ZNF841: variants seen among roughly 807,000 people sequenced by gnomAD.
The protein encoded by ZNF841 is TCONS_00006091.
A neutral mutation model predicts 13.0 loss-of-function variants in ZNF841; 11 were observed. The observed-to-expected ratio is 0.85, with a 90% CI of 0.53 to 1.40. ZNF841 has a LOEUF of 1.40. ZNF841 is among the 40% of genes most tolerant of loss of function. The pLI is 0.00. For synonymous variants in ZNF841, 369 were observed against 381.6 expected, an observed-to-expected ratio of 0.97 and a Z score of 0.38; for missense variants, 1,068 against 1,139.5, an observed-to-expected ratio of 0.94 and a Z score of 0.90.
In ZNF841 at chr19:52,064,916, G is replaced by C. The variant is rs543803725; in HGVS notation, c.*191C>G. On this transcript the variant is annotated 3_prime_UTR_variant, in exon 7 of 7. Transcript: ENST00000594440. ...CCCAAAGTGCTGGGATTACAGGCAT[G>C]AGCCAGACCTCATGAGAACTATCAC... 1.7e-3 allele frequency: 756 copies of C among 433,818 alleles called. 4 individuals are homozygous for C. The highest frequency in any genetic ancestry group is 0.016 in the South Asian group (243 of 15,208). 26.9% of individuals were successfully genotyped at this position (433,818 alleles called of 1,614,324 possible). A position where few individuals can be genotyped will look rare whatever the true frequency, so the allele number is the denominator to read the frequency against.
At chr19:52,090,654 G>GGAAGGAAGGAAGGAAAGAAA (rs1183196348) in intron 2 of ZNF841, among the ~76,000 whole-genome samples, 79 of 84,620 alleles carry the variant, frequency 9.3e-4, no homozygotes, top group African/African-American at 4.2e-3. Flanking sequence ...AAGGAAGGAA[G>GGAAGGAAGGAAGGAAAGAAA]GAAAGAAAGA....
intron 3 of ZNF841, among the ~76,000 whole-genome samples, chr19:52,087,795 G>C (rs966619465): frequency 1.3e-5 from 2 of 151,946 alleles, no homozygotes; most frequent in Non-Finnish European, 2.9e-5. Flanking sequence ...AGACCAGCCT[G>C]GCCAACGTGG....
downstream of ZNF841, among the ~76,000 whole-genome samples, chr19:52,062,683 T>C (rs1389635689): frequency 3.3e-5 from 5 of 152,114 alleles, no homozygotes; most frequent in Admixed American, 2.6e-4. Context: ...TGAATACAAT[T>C]ATTTTATATA....
chr19:52,067,271 A>G lies in ZNF841; in HGVS notation c.611T>C (p.Ile204Thr), dbSNP rs2087608250. 1 of 1,551,408 alleles carries G rather than the reference A, an allele frequency of 6.4e-7. No individual in the cohort carries two copies. The change falls in exon 7 of 7, where the codon ATT becomes ACT. Residue 204 changes from isoleucine (I) to threonine (T), a missense_variant. By Grantham distance (89) the Ile-to-Thr change is moderately conservative (BLOSUM62 -1). Transcript: ENST00000594440. ...ELQKFQTAEK[I>T]YGCNQIERTV... is the part of the protein sequence containing the mutation. ...CCTCTCAATTTGATTACATCCATAA[A>G]TTTTCTCTGCAGTTTGAAATTTCTG...
chr19:52,074,813 C>T (rs368640171), intron 6 of ZNF841, among the ~76,000 whole-genome samples: 1 of 152,142 alleles, frequency 6.6e-6, no homozygotes, highest in Non-Finnish European at 1.5e-5. Flanking sequence ...CCACCGTGCC[C>T]GGCATGGGAG....
At chr19:52,070,115 T>G (rs1459749476) in intron 6 of ZNF841, among the ~76,000 whole-genome samples, 1 of 152,204 alleles carries the variant, frequency 6.6e-6, no homozygotes, top group Non-Finnish European at 1.5e-5. Context: ...GAACCTGGGT[T>G]TGCAAGATCA....
intron 5 of ZNF841, 141 bp downstream of exon 5, chr19:52,076,817 A>G: frequency 2.0e-6 from 2 of 988,060 alleles, no homozygotes; most frequent in Non-Finnish European, 2.9e-6. Context: ...GGCCAGATGC[A>G]GCATTATGAA....
chr19:52,067,380 C>A lies in ZNF841; in HGVS notation c.502G>T (p.Val168Phe). ...TCTACGTCCCCTTGACTATGTCGAA[C>A]TCTTTGACCAGTAAGATTGTTTTTA... The part of the protein sequence containing the change: ...THKNNLTGQR[V>F]RHSQGDVENK... Residue 168 changes from valine (V) to phenylalanine (F), a missense_variant, in exon 7 of 7, where the codon GTT (valine) becomes TTT (phenylalanine). By Grantham distance (50) the Val-to-Phe change is conservative. Transcript: ENST00000594440. The A allele has an allele frequency of 1.3e-6, 2 of 1,547,058 alleles. No homozygotes were observed. The highest frequency in any genetic ancestry group is 3.4e-4 in the Middle Eastern group (2 of 5,964).
At position 52,066,751 on chromosome 19, in the gene ZNF841, TCGA is replaced by T. The variant is rs755510051; in HGVS notation, c.1128_1130del (p.Asn376_Arg377delinsLys). 4 of 1,612,596 alleles carry T rather than the reference TCGA, an allele frequency of 2.5e-6. No homozygotes were observed. The highest frequency in any genetic ancestry group is 3.4e-6 in the Non-Finnish European group (4 of 1,179,166). ...AACTTTGACTAAAGCACTTCCCACATCGATTACATTTGTAAGGTTTCTCTCCAG... is the reference window on the plus strand; with the variant it reads ...AACTTTGACTAAAGCACTTCCCACATTTACATTTGTAAGGTTTCTCTCCAG... On this transcript the variant is annotated inframe_deletion, in exon 7 of 7. Transcript: ENST00000594440.
At chr19:52,088,661 C>T (rs1265228945) in intron 3 of ZNF841, among the ~76,000 whole-genome samples, 2 of 152,154 alleles carry the variant, frequency 1.3e-5, no homozygotes, top group African/African-American at 4.8e-5. Context: ...TAGCCACCTC[C>T]CATTGCTATT....
At chr19:52,075,156 T>C (rs1210167631) in intron 6 of ZNF841, among the ~76,000 whole-genome samples, 1 of 152,030 alleles carries the variant, frequency 6.6e-6, no homozygotes, top group Non-Finnish European at 1.5e-5. Flanking sequence ...AAGCATAAAA[T>C]GTCCGACCCT....
chr19:52,084,775 T>C lies in ZNF841; in HGVS notation c.15+12A>G. 6.2e-7 allele frequency: 1 copy of C among 1,613,632 alleles called. No homozygotes were observed. The highest frequency in any genetic ancestry group is 8.5e-7 in the Non-Finnish European group (1 of 1,179,790). On this transcript the variant is annotated intron_variant, in intron 4 of 6. Coordinates refer to ENST00000594440, the MANE Select transcript of ZNF841 (RefSeq NM_001136499.2). ...GAGGAGACAGAACAATCCACCAAGATTATCACTTTACCTGAGGAAGAGCCA... is the reference window on the plus strand; with the variant it reads ...GAGGAGACAGAACAATCCACCAAGACTATCACTTTACCTGAGGAAGAGCCA...
chr19:52,091,449 T>C (rs1158793998), intron 2 of ZNF841, among the ~76,000 whole-genome samples: 1 of 152,140 alleles, frequency 6.6e-6, no homozygotes, highest in African/African-American at 2.4e-5. Context: ...AACTATATTA[T>C]AAAGGTACAG....
Position 52,065,183 on chromosome 19 carries a change from G to A in ZNF841, c.2699C>T (p.Ala900Val), listed in dbSNP as rs909851440. The A allele has an allele frequency of 6.2e-7, 1 of 1,602,198 alleles. No homozygotes were observed. ...GAGTTTAGTTGTAAGGTTCTCTCCA[G>A]CATGTTTTATCTGATGTTTAGTGAG... is the stretch of plus-strand genomic sequence containing the variant. ...SGLTKHQIKHAGENLTTKLNV... is the reference protein window; with the variant it reads ...SGLTKHQIKHVGENLTTKLNV... Residue 900 changes from alanine to valine, a missense_variant, in exon 7 of 7, where the codon GCT becomes GTT. Coordinates refer to ENST00000594440, the MANE Select transcript of ZNF841 (RefSeq NM_001136499.2).
chr19:52,092,461 A>T (rs1045902806), intron 2 of ZNF841, among the ~76,000 whole-genome samples: 3 of 152,212 alleles, frequency 2.0e-5, no homozygotes, highest in Non-Finnish European at 4.4e-5. Context: ...CATACCTCTT[A>T]CGAAGGCTAT....
At chr19:52,068,493 G>A (rs931123663) in intron 6 of ZNF841, among the ~76,000 whole-genome samples, 1 of 152,018 alleles carries the variant, frequency 6.6e-6, no homozygotes, top group African/African-American at 2.4e-5. Context: ...TGGCCAACAT[G>A]GTGAAATCTC....
chr19:52,072,421 G>A (rs543022632), intron 6 of ZNF841, among the ~76,000 whole-genome samples: 9 of 151,912 alleles, frequency 5.9e-5, no homozygotes, highest in South Asian at 2.1e-4. Flanking sequence ...AAGAAATATC[G>A]GAAAAGAAAA....
intron 4 of ZNF841, among the ~76,000 whole-genome samples, chr19:52,079,763 G>A (rs1044898815): frequency 4.6e-5 from 7 of 152,022 alleles, no homozygotes; most frequent in Non-Finnish European, 5.9e-5. Context: ...AGGCCAAGGC[G>A]GGAGGATCAC....
downstream of ZNF841, among the ~76,000 whole-genome samples, chr19:52,060,744 T>A (rs2087383607): frequency 6.6e-6 from 1 of 152,058 alleles, no homozygotes; most frequent in South Asian, 2.1e-4. Context: ...TGTGATGCAG[T>A]TAGCAGCAGC....
Sources: gnomAD v4.1 joint callset for allele counts (sites outside exome capture counted in the v4.1 genomes callset) on GRCh38, gnomAD v4.1.1 for gene constraint, MANE v1.5 for transcripts, NCBI Gene and HGNC (gene_info 2026-07-23, HGNC 2026-07-21) for gene names.